Variants in TRIO observed in about 807,000 individuals in gnomAD.
The protein encoded by TRIO is triple functional domain protein.
A neutral mutation model predicts 351.9 loss-of-function variants in TRIO; 58 were observed. The observed-to-expected ratio is 0.16, with a 90% CI of 0.13 to 0.21. The LOEUF (loss-of-function observed/expected upper bound fraction) is 0.21. TRIO is among the 10% of genes least tolerant of loss of function. TRIO has a pLI of 1.00. For synonymous variants in TRIO, 1,758 were observed against 1,595.7 expected (o/e 1.10, Z -2.42); for missense variants, 3,201 against 4,027.8 (o/e 0.79, Z 5.56).
At chr5:14,157,948 C>A (rs1388074268) in intron 1 of TRIO, among the ~76,000 whole-genome samples, 1 of 152,060 alleles carries the variant, frequency 6.6e-6, no homozygotes, top group African/African-American at 2.4e-5. Flanking sequence ...CTTGGGGAGA[C>A]AGTCTCAGTT....
intron 34 of TRIO, among the ~76,000 whole-genome samples, chr5:14,426,844 T>C (rs1750685513): frequency 6.6e-6 from 1 of 152,136 alleles, no homozygotes; most frequent in African/African-American, 2.4e-5. Context: ...TCATTTGTAA[T>C]CTTGTTGTCG....
At chr5:14,466,284 A>G (rs1754256991) in intron 37 of TRIO, 1 of 152,720 alleles carries the variant, frequency 6.5e-6, no homozygotes, top group Non-Finnish European at 1.5e-5. Context: ...AAGATGTGCC[A>G]GGGTCAGTGG....
intron 1 of TRIO, among the ~76,000 whole-genome samples, chr5:14,177,829 T>C (rs1789501159): frequency 6.6e-6 from 1 of 152,210 alleles, no homozygotes; most frequent in Non-Finnish European, 1.5e-5. Flanking sequence ...TTCATGCTAA[T>C]GCAAGACTTT....
chr5:14,310,466 G>T (rs1189163818), intron 8 of TRIO, among the ~76,000 whole-genome samples: 2 of 152,248 alleles, frequency 1.3e-5, no homozygotes, highest in Non-Finnish European at 2.9e-5. Flanking sequence ...CCAACTTAGT[G>T]TGTGCCTCAA....
chr5:14,461,952 G>A (rs1753851722), intron 35 of TRIO, among the ~76,000 whole-genome samples: 1 of 152,210 alleles, frequency 6.6e-6, no homozygotes, highest in Non-Finnish European at 1.5e-5. Flanking sequence ...TGACAAGGGA[G>A]GCTTTAAATT....
chr5:14,224,840 A>G (rs1792881308), intron 1 of TRIO, among the ~76,000 whole-genome samples: 1 of 152,188 alleles, frequency 6.6e-6, no homozygotes, highest in African/African-American at 2.4e-5. Flanking sequence ...AAGGGCAAAA[A>G]GTAGGATACC....
In TRIO at chr5:14,290,949, G is replaced by A. The variant is rs1488116822; in HGVS notation, c.774G>A (p.Glu258=). The A allele has an allele frequency of 6.2e-7, 1 of 1,614,068 alleles. No individual in the cohort carries two copies. Among genetic ancestry groups the A allele is most frequent in the Non-Finnish European group, 8.5e-7 (1 of 1,180,050 alleles). ...TAGAGGGGGCTCGGAATATGATCGA[G>A]GAACATTCTCAGCTGAAGAAGAAGG... is the stretch of plus-strand genomic sequence containing the variant. ...QDLEGARNMI[E]EHSQLKKKVI... Residue 258 remains glutamate, a synonymous_variant, in exon 5 of 57, where the codon GAG becomes GAA. Coordinates refer to ENST00000344204, the MANE Select transcript of TRIO (RefSeq NM_007118.4).
intron 11 of TRIO, 60 bp from the exon 12 acceptor site, chr5:14,358,118 G>C: frequency 6.5e-7 from 1 of 1,550,066 alleles, no homozygotes; most frequent in East Asian, 2.3e-5. Flanking sequence ...TGGACACCGG[G>C]CGGCCCACCT....
intron 8 of TRIO, among the ~76,000 whole-genome samples, chr5:14,311,155 T>G (rs1053148692): frequency 6.6e-6 from 1 of 152,218 alleles, no homozygotes; most frequent in Admixed American, 6.5e-5. Context: ...ACTTGAAATA[T>G]AAGAGCAGCA....
intron 34 of TRIO, among the ~76,000 whole-genome samples, chr5:14,451,009 G>C (rs1399523130): frequency 6.6e-6 from 1 of 152,194 alleles, no homozygotes; most frequent in Non-Finnish European, 1.5e-5. Flanking sequence ...AACCTCTCCA[G>C]ATACTTGCTC....
In TRIO at chr5:14,487,973, C is replaced by T. The variant is rs1756101886; in HGVS notation, c.7345C>T (p.Pro2449Ser). The T allele has an allele frequency of 1.9e-6, 3 of 1,553,276 alleles. No individual in the cohort carries two copies. The highest frequency in any genetic ancestry group is 1.4e-5 in the African/African-American group (1 of 73,164). Reference sequence around the variant, plus strand: ...CCTGGGCACCCTGCCGCTTGGGAAGCCCCGGGCCGGGGCCGCTTCGCCGCT... The same window carrying T: ...CCTGGGCACCCTGCCGCTTGGGAAGTCCCGGGCCGGGGCCGCTTCGCCGCT... ...ASLGTLPLGK[P>S]RAGAASPLNS... Residue 2449 changes from proline to serine, a missense_variant, in exon 48 of 57, where the codon CCC becomes TCC. Coordinates refer to ENST00000344204, the MANE Select transcript of TRIO (RefSeq NM_007118.4).
chr5:14,310,829 G>C (rs999865976), intron 8 of TRIO, among the ~76,000 whole-genome samples: 2 of 152,190 alleles, frequency 1.3e-5, no homozygotes, highest in Non-Finnish European at 2.9e-5. Context: ...GGGATTACAG[G>C]TGTATGCCAC....
At chr5:14,215,733 A>G (rs1413026972) in intron 1 of TRIO, among the ~76,000 whole-genome samples, 1 of 152,222 alleles carries the variant, frequency 6.6e-6, no homozygotes, top group Non-Finnish European at 1.5e-5. Flanking sequence ...ATCTATTTGC[A>G]ATTTCTCCAA....
intron 1 of TRIO, among the ~76,000 whole-genome samples, chr5:14,169,303 C>T (rs1183095365): frequency 6.6e-6 from 1 of 151,132 alleles, no homozygotes; most frequent in Non-Finnish European, 1.5e-5. Context: ...TACCAAGAGT[C>T]GTATTTTTAA....
chr5:14,191,408 A>G (rs1224830757), intron 1 of TRIO, among the ~76,000 whole-genome samples: 1 of 152,134 alleles, frequency 6.6e-6, no homozygotes, highest in Non-Finnish European at 1.5e-5. Context: ...CCTGGGTAGC[A>G]TAGCTAGACT....
rs900826730 is a variant in TRIO, at chr5:14,498,261, G to T, written c.8210+10G>T. 1.9e-6 allele frequency: 3 copies of T among 1,612,020 alleles called. No homozygotes were observed. The Admixed American group carries it at 5.0e-5, about 27-fold the overall frequency. ...ACAGCATCTCCTACAGGTGAGGGAG[G>T]CCCACTCCTGGTGGGTTTCGCTGGC... On this transcript the variant is annotated intron_variant, in intron 52 of 56. Transcript: ENST00000344204.
intron 3 of TRIO, among the ~76,000 whole-genome samples, chr5:14,284,640 T>G (rs1736288425): frequency 6.6e-6 from 1 of 152,178 alleles, no homozygotes; most frequent in East Asian, 1.9e-4. Flanking sequence ...CCTTTTAAGC[T>G]TCTTTCAAGT....
At chr5:14,201,248 G>T (rs912953581) in intron 1 of TRIO, among the ~76,000 whole-genome samples, 2 of 151,924 alleles carry the variant, frequency 1.3e-5, no homozygotes, top group Non-Finnish European at 2.9e-5. Context: ...CAACAAGAGC[G>T]AAACTCCATC....
chr5:14,476,485 A>G (rs1755083911), intron 40 of TRIO, among the ~76,000 whole-genome samples: 1 of 152,216 alleles, frequency 6.6e-6, no homozygotes, highest in South Asian at 2.1e-4. Context: ...CTCATGTCAG[A>G]ACAGACTATT....
Sources: gnomAD v4.1 joint callset for allele counts (sites outside exome capture counted in the v4.1 genomes callset) on GRCh38, gnomAD v4.1.1 for gene constraint, MANE v1.5 for transcripts, NCBI Gene and HGNC (gene_info 2026-07-23, HGNC 2026-07-21) for gene names.